HS1BP3: variants seen among roughly 807,000 people sequenced by gnomAD.
The protein encoded by HS1BP3 is HCLS1-binding protein 3.
Under a neutral mutation model 33.5 loss-of-function variants are expected in HS1BP3, and 32 were observed. The observed-to-expected ratio is 0.95, with a 90% confidence interval of 0.72 to 1.28. The LOEUF is 1.28. Among genes scored for constraint, HS1BP3 ranks in the 50% most tolerant of loss-of-function variants. HS1BP3 has a pLI of 0.00. For synonymous variants in HS1BP3, 187 were observed against 209.2 expected, an observed-to-expected ratio of 0.89 and a Z score of 0.92; for missense variants, 486 against 502.3, an observed-to-expected ratio of 0.97 and a Z score of 0.31.
the HS1BP3 span, among the ~76,000 whole-genome samples, chr2:20,554,200 A>G: frequency 1.3e-5 from 2 of 152,226 alleles, no homozygotes; most frequent in African/African-American, 4.8e-5. Context: ...TCGTCATACA[A>G]CACCCTTGAA....
chr2:20,632,854 G>C (rs1245164370), intron 4 of HS1BP3, among the ~76,000 whole-genome samples: 1 of 152,192 alleles, frequency 6.6e-6, no homozygotes, highest in African/African-American at 2.4e-5. Context: ...CTGGAGGGAG[G>C]TAAAGTCATA....
chr2:20,575,552 A>T (rs981602343), intron 5 of HS1BP3, among the ~76,000 whole-genome samples: 1 of 152,212 alleles, frequency 6.6e-6, no homozygotes, highest in Non-Finnish European at 1.5e-5. Flanking sequence ...AAAGGGTAGT[A>T]AGTCCCTCTT....
At chr2:20,562,724 AG>A (rs976279538) in intron 5 of HS1BP3, among the ~76,000 whole-genome samples, 164 of 152,238 alleles carry the variant, frequency 1.1e-3, no homozygotes, top group African/African-American at 3.8e-3. Context: ...AGCTGTCTCC[AG>A]GGGGATAGTG....
chr2:20,633,241 A>G (rs1381094624), intron 4 of HS1BP3, among the ~76,000 whole-genome samples: 1 of 152,106 alleles, frequency 6.6e-6, no homozygotes, highest in Non-Finnish European at 1.5e-5. Context: ...TCACTGTCAA[A>G]CCATACTCTA....
rs78115432 is a variant in HS1BP3 at position 20,596,905 on chromosome 2, C to G, written c.*12+1303G>C. On this transcript the variant is annotated intron_variant, in intron 3 of 3. Transcript: ENST00000415264. ...CCATCAGAATCTTTCACTGCAGACC[C>G]GTGGCAGCCAGCAGGTGCCATGGCT... is the stretch of plus-strand genomic sequence containing the variant. 4.1e-3 allele frequency among the ~76,000 whole-genome samples: 628 copies of G among 152,294 alleles called. 4 individuals carry two copies. The highest frequency in any genetic ancestry group is 0.015 in the African/African-American group (605 of 41,540).
At chr2:20,580,527 GA>G (rs148402645) in intron 5 of HS1BP3, among the ~76,000 whole-genome samples, 37 of 149,040 alleles carry the variant, frequency 2.5e-4, no homozygotes, top group African/African-American at 8.6e-4. Context: ...TCCAAAAAAA[GA>G]AAAAAAAAGA....
chr2:20,621,234 A>C (rs1426254103), intron 6 of HS1BP3, among the ~76,000 whole-genome samples: 1 of 152,246 alleles, frequency 6.6e-6, no homozygotes, highest in Non-Finnish European at 1.5e-5. Context: ...TGTCCAGCAC[A>C]GCACCCCCAG....
intron 2 of HS1BP3, among the ~76,000 whole-genome samples, chr2:20,604,401 C>T (rs993607789): frequency 1.3e-5 from 2 of 152,188 alleles, no homozygotes; most frequent in African/African-American, 2.4e-5. Context: ...AGTTCTCTGT[C>T]GTGAGATTAC....
At chr2:20,589,510 T>C (rs1432791430), downstream of HS1BP3, among the ~76,000 whole-genome samples, 1 of 152,184 alleles carries the variant, frequency 6.6e-6, no homozygotes, top group East Asian at 1.9e-4. Context: ...CTGGCATTGG[T>C]TGACTCTGAA....
intron 1 of HS1BP3, among the ~76,000 whole-genome samples, chr2:20,650,704 G>A (rs1036913707): frequency 6.6e-6 from 1 of 152,170 alleles, no homozygotes; most frequent in South Asian, 2.1e-4. Flanking sequence ...CTAGATTTTC[G>A]GGCTCAAAAG....
At chr2:20,613,694 G>A (rs1194977966), downstream of HS1BP3, among the ~76,000 whole-genome samples, 1 of 152,228 alleles carries the variant, frequency 6.6e-6, no homozygotes, top group Non-Finnish European at 1.5e-5. Flanking sequence ...GGCCCGTGGT[G>A]GGTGTCTACA....
At chr2:20,567,445 A>G (rs948799857) in intron 5 of HS1BP3, among the ~76,000 whole-genome samples, 1 of 152,202 alleles carries the variant, frequency 6.6e-6, no homozygotes, top group Non-Finnish European at 1.5e-5. Flanking sequence ...CCCGGCCCCA[A>G]GTATCCCAGT....
chr2:20,565,968 G>C (rs537136739), intron 5 of HS1BP3, among the ~76,000 whole-genome samples: 1 of 152,338 alleles, frequency 6.6e-6, no homozygotes, highest in Non-Finnish European at 1.5e-5. Flanking sequence ...TACCACATAC[G>C]CATTGCTTCC....
Position 20,595,312 on chromosome 2 carries a change from G to A in HS1BP3, c.*13-2518C>T, listed in dbSNP as rs112070204. Among the ~76,000 whole-genome samples, 1,053 of 152,232 alleles carry A rather than the reference G, an allele frequency of 6.9e-3. 14 individuals carry two copies. Among genetic ancestry groups the A allele is most frequent in the African/African-American group, 0.024 (980 of 41,532 alleles). ...CTGGGACAGAGCTGTGTCTACCCAC[G>A]GGAAGGGGGATCCTTTTCTAATTTG... On this transcript the variant is annotated intron_variant, in intron 3 of 3. Transcript: ENST00000415264.
chr2:20,622,465 C>T lies in HS1BP3; in HGVS notation c.920+1431G>A. The T allele has an allele frequency of 4.5e-6, 2 of 447,958 alleles. 1 individual carries two copies. Among genetic ancestry groups the T allele is most frequent in the South Asian group, 3.5e-5 (2 of 57,680 alleles). 27.7% of individuals were successfully genotyped at this position (447,958 alleles called of 1,614,324 possible). ...CTAAGGGGCACCACAGAGTGGGGGG[C>T]CCAGGGATGAATGAGAACGTGAAGT... On this transcript the variant is annotated intron_variant, in intron 6 of 6. Coordinates refer to ENST00000304031, the MANE Select transcript of HS1BP3 (RefSeq NM_022460.4).
chr2:20,627,226 G>A (rs1694814850), intron 4 of HS1BP3, among the ~76,000 whole-genome samples: 1 of 152,234 alleles, frequency 6.6e-6, no homozygotes, highest in African/African-American at 2.4e-5. Context: ...CTCAGGGAGG[G>A]CAGGTCTGAG....
intron 5 of HS1BP3, among the ~76,000 whole-genome samples, chr2:20,566,710 G>A (rs184783509): frequency 2.2e-4 from 34 of 152,010 alleles, no homozygotes; most frequent in African/African-American, 7.5e-4. Flanking sequence ...GGGCTCAAGC[G>A]ATTCTCCTGC....
At chr2:20,589,978 G>A (rs73235161), downstream of HS1BP3, among the ~76,000 whole-genome samples, 1,812 of 152,290 alleles carry the variant, frequency 0.012, 42 homozygotes, top group African/African-American at 0.041. Context: ...TCAGTTCATT[G>A]CTGTGTCCAG....
chr2:20,617,840 T>C lies in HS1BP3; in HGVS notation c.*1147A>G, dbSNP rs1454947236. The C allele has an allele frequency of 6.6e-6, 1 of 152,636 alleles. No individual in the cohort carries two copies. The highest frequency in any genetic ancestry group is 1.5e-5 in the Non-Finnish European group (1 of 68,050). 9.5% of individuals were successfully genotyped at this position (152,636 alleles called of 1,614,324 possible). ...AGACACCTTGACATTTTTTGCTTTA[T>C]TAAACATCATTCACTGAGAATTTCC... On this transcript the variant is annotated 3_prime_UTR_variant, in exon 7 of 7. Transcript: ENST00000304031.
Sources: allele counts gnomAD v4.1 joint callset (sites outside exome capture counted in the v4.1 genomes callset), GRCh38; gene constraint gnomAD v4.1.1; transcripts MANE v1.5; gene names NCBI Gene and HGNC (gene_info 2026-07-23, HGNC 2026-07-21).